The following ANO10 variants were observed in gnomAD, a reference collection of about 807,000 sequenced individuals.
ANO10 encodes anoctamin 10, also known as anoctamin-10.
ANO10 carries 77 observed loss-of-function variants against 74.7 expected under a neutral mutation model. The ratio of observed to expected loss-of-function variants is 1.03; its 90% confidence interval spans 0.86 to 1.25. The LOEUF (loss-of-function observed/expected upper bound fraction) is 1.25. ANO10 is among the 50% of genes most tolerant of loss of function. The pLI, the probability that ANO10 is intolerant of heterozygous loss-of-function variation, is 0.00. For synonymous variants in ANO10, 279 were observed against 284.9 expected (o/e 0.98, Z 0.21); for missense variants, 721 against 778.1 (o/e 0.93, Z 0.87).
At chr3:43,688,142 G>A (rs1468459917) in intron 1 of ANO10, among the ~76,000 whole-genome samples, 3 of 151,908 alleles carry the variant, frequency 2.0e-5, no homozygotes, top group Non-Finnish European at 2.9e-5. Context: ...TTGGATCAAT[G>A]GTCTCTTTCT....
rs949571580 is a variant in ANO10 at position 43,496,330 on chromosome 3, C to T, written c.1797+53390G>A. On this transcript the variant is annotated intron_variant, in intron 11 of 12. Coordinates refer to ENST00000292246, the MANE Select transcript of ANO10 (RefSeq NM_018075.5). ...ATTTACCTGTATATATTGACATATG[C>T]AACCCCATTGTAGCCATGACAAACA... Among the ~76,000 whole-genome samples the T allele has an allele frequency of 4.6e-5, 7 of 152,316 alleles. No homozygotes were observed. In the East Asian group the frequency reaches 1.3e-3, roughly 29 times the overall value.
intron 12 of ANO10, among the ~76,000 whole-genome samples, chr3:43,370,113 G>C (rs1395782911): frequency 6.6e-6 from 1 of 152,206 alleles, no homozygotes; most frequent in Non-Finnish European, 1.5e-5. Flanking sequence ...TGGTGAAGAG[G>C]AGGCTGAGCC....
At chr3:43,437,872 A>G (rs2093094876) in intron 11 of ANO10, among the ~76,000 whole-genome samples, 2 of 149,774 alleles carry the variant, frequency 1.3e-5, no homozygotes, top group African/African-American at 2.5e-5. Flanking sequence ...TCTGAAAAAA[A>G]AAAACAAAAA....
At chr3:43,410,677 A>G (rs1442232625) in intron 12 of ANO10, among the ~76,000 whole-genome samples, 1 of 152,144 alleles carries the variant, frequency 6.6e-6, no homozygotes, top group Non-Finnish European at 1.5e-5. Context: ...ACACACGGAT[A>G]TACCTTTTCA....
chr3:43,545,532 A>G (rs370816614), intron 11 of ANO10, among the ~76,000 whole-genome samples: 1 of 152,018 alleles, frequency 6.6e-6, no homozygotes, highest in African/African-American at 2.4e-5. Flanking sequence ...TGCCCGGCTA[A>G]TTTTTGTATT....
chr3:43,623,172 A>C (rs1293836480), upstream of ANO10, among the ~76,000 whole-genome samples: 1 of 152,106 alleles, frequency 6.6e-6, no homozygotes, highest in African/African-American at 2.4e-5. Flanking sequence ...TGCCGGCTTT[A>C]AGTGTTTTTA....
At chr3:43,664,360 C>G (rs1460774905) in intron 1 of ANO10, among the ~76,000 whole-genome samples, 1 of 152,098 alleles carries the variant, frequency 6.6e-6, no homozygotes, top group Non-Finnish European at 1.5e-5. Context: ...CCCTTCCTTA[C>G]ACCTTATATA....
chr3:43,380,948 C>T (rs6441772), intron 12 of ANO10, among the ~76,000 whole-genome samples: 139,365 of 152,192 alleles, frequency 0.92, 64,117 homozygotes, highest in Non-Finnish European at 0.96. Context: ...TACGCATGGC[C>T]CAGGAAACAT....
At chr3:43,646,663 A>G (rs1286048403) in intron 1 of ANO10, among the ~76,000 whole-genome samples, 1 of 152,076 alleles carries the variant, frequency 6.6e-6, no homozygotes, top group Non-Finnish European at 1.5e-5. Context: ...CTGCCACCAC[A>G]CCACGCCCAG....
At chr3:43,441,328 A>T (rs1391882553) in intron 11 of ANO10, among the ~76,000 whole-genome samples, 1 of 152,038 alleles carries the variant, frequency 6.6e-6, no homozygotes, top group African/African-American at 2.4e-5. Context: ...AAAAATCAGA[A>T]ATGTAAGAAG....
At chr3:43,583,808 A>G (rs867495062) in intron 4 of ANO10, among the ~76,000 whole-genome samples, 1 of 152,228 alleles carries the variant, frequency 6.6e-6, no homozygotes, top group Non-Finnish European at 1.5e-5. Flanking sequence ...TTTTGTCTTA[A>G]TAAAGAAAAC....
intron 1 of ANO10, among the ~76,000 whole-genome samples, chr3:43,633,003 T>A (rs921430925): frequency 6.6e-6 from 1 of 152,186 alleles, no homozygotes; most frequent in African/African-American, 2.4e-5. Flanking sequence ...GTATTTCGCA[T>A]CACGTTTAAA....
chr3:43,492,757 GA>G (rs2076771610), intron 11 of ANO10, among the ~76,000 whole-genome samples: 1 of 152,114 alleles, frequency 6.6e-6, no homozygotes, highest in Non-Finnish European at 1.5e-5. Context: ...ATGCCAGTTA[GA>G]ATGGTGGTCA....
At chr3:43,543,734 C>T (rs899101536) in intron 11 of ANO10, among the ~76,000 whole-genome samples, 1 of 152,120 alleles carries the variant, frequency 6.6e-6, no homozygotes, top group African/African-American at 2.4e-5. Context: ...GGGGGTGCCA[C>T]ATGAAAACTT....
intron 11 of ANO10, among the ~76,000 whole-genome samples, chr3:43,505,577 T>C (rs1388531418): frequency 6.6e-6 from 1 of 152,234 alleles, no homozygotes; most frequent in African/African-American, 2.4e-5. Context: ...TCAGGAATGA[T>C]ATAACACATT....
intron 11 of ANO10, among the ~76,000 whole-genome samples, chr3:43,483,532 T>C (rs758184453): frequency 1.8e-4 from 28 of 152,164 alleles, no homozygotes; most frequent in Non-Finnish European, 3.1e-4. Flanking sequence ...GCACCTCACA[T>C]TGCTCAAAAG....
At chr3:43,369,173 T>C (rs190251871) in intron 12 of ANO10, among the ~76,000 whole-genome samples, 2 of 152,370 alleles carry the variant, frequency 1.3e-5, no homozygotes, top group East Asian at 3.9e-4. Context: ...GATGTGCCCA[T>C]GAGGGGCTTC....
chr3:43,657,311 C>T (rs2083868755), intron 1 of ANO10, among the ~76,000 whole-genome samples: 1 of 152,188 alleles, frequency 6.6e-6, no homozygotes, highest in Non-Finnish European at 1.5e-5. Flanking sequence ...TGTACATTCC[C>T]CAAATTCTAT....
rs116316102 is a variant in ANO10 at position 43,602,482 on chromosome 3, C to T, written c.140-1901G>A. ...CTCCCAAATAACTGAGATACAGGCA[C>T]ACACAACCACATCCAGCTAATTTTT... is the stretch of plus-strand genomic sequence containing the variant. On this transcript the variant is annotated intron_variant, in intron 2 of 12. Transcript: ENST00000292246. 5.8e-3 allele frequency among the ~76,000 whole-genome samples: 879 copies of T among 152,244 alleles called. 9 individuals carry two copies. The highest frequency in any genetic ancestry group is 0.02 in the African/African-American group (848 of 41,550).
Sources: allele counts gnomAD v4.1 joint callset (sites outside exome capture counted in the v4.1 genomes callset), GRCh38; gene constraint gnomAD v4.1.1; transcripts MANE v1.5; gene names NCBI Gene and HGNC (gene_info 2026-07-23, HGNC 2026-07-21).